Variants in ZBTB20 observed in about 807,000 individuals in gnomAD.
ZBTB20 encodes the protein zinc finger and BTB domain containing 20.
In ZBTB20, 9 loss-of-function variants were observed where a neutral mutation model predicts 56.9. That is an observed-to-expected ratio of 0.16 (90% CI 0.10 to 0.28). ZBTB20 has a LOEUF of 0.28. Among genes scored for constraint, ZBTB20 ranks in the 10% least tolerant of loss-of-function variants. The probability of loss-of-function intolerance (pLI) is 1.00; values close to 1 mark genes in which losing one functional copy is unlikely to be tolerated. For missense variants in ZBTB20, 655 were observed against 1,003.0 expected (o/e 0.65, Z 4.69); for synonymous variants, 417 against 420.7 (o/e 0.99, Z 0.11).
At chr3:114,987,835 C>T (rs2078611408) in intron 2 of ZBTB20, among the ~76,000 whole-genome samples, 1 of 152,052 alleles carries the variant, frequency 6.6e-6, no homozygotes, top group South Asian at 2.1e-4. Flanking sequence ...ACCTGTTTAG[C>T]TACATGTAGA....
intron 2 of ZBTB20, among the ~76,000 whole-genome samples, chr3:114,983,416 C>T (rs1274482967): frequency 2.0e-5 from 3 of 151,820 alleles, no homozygotes; most frequent in South Asian, 2.1e-4. Flanking sequence ...ATAATTACAC[C>T]GAGGAACCAG....
chr3:114,526,050 AT>A (rs2047182528), intron 6 of ZBTB20, among the ~76,000 whole-genome samples: 1 of 152,022 alleles, frequency 6.6e-6, no homozygotes, highest in Admixed American at 6.6e-5. Context: ...TGGAATCTTT[AT>A]TTTTTTAAAT....
At chr3:115,137,552 A>G (rs1219035391) in intron 1 of ZBTB20, among the ~76,000 whole-genome samples, 2 of 152,096 alleles carry the variant, frequency 1.3e-5, no homozygotes, top group Admixed American at 1.3e-4. Flanking sequence ...TTCTTTCAGT[A>G]TAGTGACAAA....
chr3:114,558,324 A>G (rs973608319), intron 6 of ZBTB20, among the ~76,000 whole-genome samples: 1 of 152,002 alleles, frequency 6.6e-6, no homozygotes, highest in South Asian at 2.1e-4. Context: ...GTTGCTAAGG[A>G]CTTTATCAGT....
At chr3:114,748,339 TTC>T (rs2067264213) in intron 5 of ZBTB20, among the ~76,000 whole-genome samples, 1 of 109,648 alleles carries the variant, frequency 9.1e-6, no homozygotes, top group Non-Finnish European at 1.9e-5. Flanking sequence ...TCTTTCTTCT[TTC>T]TTTCTTTCTT....
rs2079539824 is a variant in ZBTB20, at chr3:114,338,510, A to AC, written c.*494dup. On this transcript the variant is annotated 3_prime_UTR_variant, in exon 12 of 12. Coordinates refer to ENST00000675478, the MANE Select transcript of ZBTB20 (RefSeq NM_001348800.3). ...GGTTTTCAACCAGAAGTGATATTCC[A>AC]CAGTTTTAACTGGTTACTGTGAAGT... 1 of 152,578 alleles carries AC rather than the reference A, an allele frequency of 6.6e-6. No individual in the cohort carries two copies. The highest frequency in any genetic ancestry group is 1.5e-5 in the Non-Finnish European group (1 of 68,082). The allele number at this position is 152,578 out of a possible 1,614,324, so 9.5% of individuals were successfully genotyped here.
At chr3:114,922,070 A>T (rs2075980895) in intron 3 of ZBTB20, among the ~76,000 whole-genome samples, 1 of 152,192 alleles carries the variant, frequency 6.6e-6, no homozygotes, top group Non-Finnish European at 1.5e-5. Context: ...AATAAATGTG[A>T]TACATCACAT....
chr3:114,418,744 G>C (rs946447894), intron 7 of ZBTB20, among the ~76,000 whole-genome samples: 15 of 152,024 alleles, frequency 9.9e-5, no homozygotes, highest in African/African-American at 3.6e-4. Context: ...CTGTGAATTA[G>C]TGTTTACTTT....
At chr3:115,122,313 ATT>A (rs976844842) in intron 1 of ZBTB20, among the ~76,000 whole-genome samples, 1 of 151,438 alleles carries the variant, frequency 6.6e-6, no homozygotes, top group Non-Finnish European at 1.5e-5. Flanking sequence ...AAATACCAAG[ATT>A]TTTTTTTCAT....
At chr3:114,982,076 C>T (rs1317892989) in intron 2 of ZBTB20, among the ~76,000 whole-genome samples, 1 of 151,948 alleles carries the variant, frequency 6.6e-6, no homozygotes, top group African/African-American at 2.4e-5. Flanking sequence ...ACTAAGGTAC[C>T]ACCAGCTAGT....
At chr3:114,669,746 A>T (rs75927262) in intron 6 of ZBTB20, among the ~76,000 whole-genome samples, 6,713 of 152,122 alleles carry the variant, frequency 0.044, 192 homozygotes, top group Non-Finnish European at 0.067. Context: ...TTTGTGCAGA[A>T]CATAGCACCA....
At chr3:115,097,428 C>T (rs554388020) in intron 1 of ZBTB20, among the ~76,000 whole-genome samples, 4 of 151,998 alleles carry the variant, frequency 2.6e-5, no homozygotes, top group South Asian at 2.1e-4. Context: ...GTGATCTGCC[C>T]GCCTCGGCCT....
At chr3:114,543,238 C>T in intron 6 of ZBTB20, among the ~76,000 whole-genome samples, 1 of 151,598 alleles carries the variant, frequency 6.6e-6, no homozygotes, top group African/African-American at 2.4e-5. Flanking sequence ...TTTAATTTGT[C>T]TTTTTTTTGG....
rs536160038 is a variant in ZBTB20 at position 114,686,442 on chromosome 3, C to A, written c.-295+7086G>T. On this transcript the variant is annotated intron_variant, in intron 6 of 11. Coordinates refer to ENST00000675478, the MANE Select transcript of ZBTB20 (RefSeq NM_001348800.3). ...AAACAAGCAAATAAAATATCCATTTCTTCAATCCAATGCTTTTGTGAAGTA... is the reference window on the plus strand; with the variant it reads ...AAACAAGCAAATAAAATATCCATTTATTCAATCCAATGCTTTTGTGAAGTA... 1.1e-3 allele frequency among the ~76,000 whole-genome samples: 162 copies of A among 152,310 alleles called. 1 individual carries two copies. In the Middle Eastern group the frequency reaches 0.014, roughly 13 times the overall value.
chr3:114,542,258 T>G (rs534669703), intron 6 of ZBTB20, among the ~76,000 whole-genome samples: 1 of 152,284 alleles, frequency 6.6e-6, no homozygotes, highest in African/African-American at 2.4e-5. Flanking sequence ...TTCTTCAAAT[T>G]TTATGAAACA....
At chr3:114,884,136 G>A (rs1388253688) in intron 4 of ZBTB20, among the ~76,000 whole-genome samples, 5 of 150,762 alleles carry the variant, frequency 3.3e-5, no homozygotes, top group Admixed American at 6.6e-5. Flanking sequence ...CGTTTTAGCC[G>A]GGATGGTGTC....
At chr3:114,659,958 C>A (rs1453841037) in intron 6 of ZBTB20, among the ~76,000 whole-genome samples, 2 of 151,948 alleles carry the variant, frequency 1.3e-5, no homozygotes, top group African/African-American at 4.8e-5. Context: ...AAATGATTCT[C>A]TTTGTCTTTT....
At chr3:114,821,085 G>A (rs1189407663) in intron 4 of ZBTB20, among the ~76,000 whole-genome samples, 3 of 151,986 alleles carry the variant, frequency 2.0e-5, no homozygotes, top group East Asian at 1.9e-4. Context: ...AGTATTTTGC[G>A]AATAACAATG....
At chr3:114,648,516 C>T (rs565866318) in intron 6 of ZBTB20, among the ~76,000 whole-genome samples, 9 of 151,936 alleles carry the variant, frequency 5.9e-5, no homozygotes, top group African/African-American at 2.2e-4. Context: ...AAGTGTCATT[C>T]ATAAAAGTGT....
Sources: gnomAD v4.1 joint callset for allele counts (sites outside exome capture counted in the v4.1 genomes callset) on GRCh38, gnomAD v4.1.1 for gene constraint, MANE v1.5 for transcripts, NCBI Gene and HGNC (gene_info 2026-07-23, HGNC 2026-07-21) for gene names.